KAT6A: variants seen among roughly 807,000 people sequenced by gnomAD.
KAT6A encodes lysine acetyltransferase 6A, also known as histone acetyltransferase KAT6A.
In KAT6A, 9 loss-of-function variants were observed where a neutral mutation model predicts 198.4. The ratio of observed to expected loss-of-function variants is 0.05; its 90% CI spans 0.03 to 0.08. The LOEUF (loss-of-function observed/expected upper bound fraction) is 0.08. KAT6A is among the 10% of genes least tolerant of loss of function. The probability of loss-of-function intolerance (pLI) is 1.00; values close to 1 mark genes in which losing one functional copy is unlikely to be tolerated. For synonymous variants in KAT6A, 890 were observed against 883.0 expected, an observed-to-expected ratio of 1.01 and a Z score of -0.14; for missense variants, 2,077 against 2,509.9, an observed-to-expected ratio of 0.83 and a Z score of 3.69.
At chr8:41,958,898 G>A (rs543089784) in intron 8 of KAT6A, among the ~76,000 whole-genome samples, 9 of 152,266 alleles carry the variant, frequency 5.9e-5, no homozygotes, top group South Asian at 2.1e-4. Context: ...GGTGGCTCAC[G>A]CCTGTAATCC....
chr8:42,031,287 G>T (rs1205178154), intron 2 of KAT6A, among the ~76,000 whole-genome samples: 2 of 152,078 alleles, frequency 1.3e-5, no homozygotes, highest in Non-Finnish European at 2.9e-5. Context: ...TATTATATGG[G>T]TAATACAAAA....
At chr8:41,941,839 T>C (rs1822156004) in intron 14 of KAT6A, among the ~76,000 whole-genome samples, 1 of 152,236 alleles carries the variant, frequency 6.6e-6, no homozygotes, top group African/African-American at 2.4e-5. Context: ...AAGTGAATAC[T>C]ATTGTTCTTT....
chr8:42,008,715 A>T (rs1259079765), intron 2 of KAT6A, among the ~76,000 whole-genome samples: 7 of 151,950 alleles, frequency 4.6e-5, no homozygotes, highest in Non-Finnish European at 8.8e-5. Flanking sequence ...GGGATGATGA[A>T]ATGTTCTATA....
At chr8:41,976,969 A>G in intron 7 of KAT6A, 39 bp downstream of exon 7, 1 of 1,452,954 alleles carries the variant, frequency 6.9e-7, no homozygotes, top group South Asian at 1.3e-5. Flanking sequence ...ATACATGTAC[A>G]GAATACTATT....
At chr8:41,982,905 A>G (rs1824429710) in intron 3 of KAT6A, among the ~76,000 whole-genome samples, 1 of 152,214 alleles carries the variant, frequency 6.6e-6, no homozygotes, top group Non-Finnish European at 1.5e-5. Context: ...CACCATATAC[A>G]GAGTTCGGTT....
rs1284355805 is a variant in KAT6A, at chr8:41,932,341, C to T, written c.5879G>A (p.Ser1960Asn). ...PMQMQMGMMG[S>N]QAYTQQPMQP... ...CATAGGCTGCTGGGTATAGGCCTGG[C>T]TCCCCATCATTCCCATCTGCATCTG... is the stretch of plus-strand genomic sequence containing the variant. The change falls in exon 17 of 17, where the codon AGC becomes AAC. Residue 1960 changes from serine to asparagine, a missense_variant. Physicochemically the swap from Ser to Asn is conservative, Grantham distance 46 (BLOSUM62 1). This residue lies in a region of KAT6A where 500 missense variants were observed against 577.2 expected (regional missense o/e 0.87). Transcript: ENST00000265713. 8 of 1,614,080 alleles carry T rather than the reference C, an allele frequency of 5.0e-6. No homozygotes were observed. The highest frequency in any genetic ancestry group is 5.9e-6 in the Non-Finnish European group (7 of 1,180,048).
chr8:42,026,780 G>A (rs567396079), intron 2 of KAT6A, among the ~76,000 whole-genome samples: 22 of 152,092 alleles, frequency 1.4e-4, no homozygotes, highest in East Asian at 5.8e-4. Context: ...TGAATGCTCC[G>A]GTTGGGATTT....
intron 2 of KAT6A, among the ~76,000 whole-genome samples, chr8:41,990,013 A>C (rs1043420920): frequency 1.3e-5 from 2 of 152,162 alleles, no homozygotes; most frequent in African/African-American, 2.4e-5. Context: ...CTGGGGAAGT[A>C]AGTCAGGAAA....
intron 2 of KAT6A, among the ~76,000 whole-genome samples, chr8:42,045,246 CA>C (rs1252787103): frequency 6.6e-6 from 1 of 152,096 alleles, no homozygotes; most frequent in East Asian, 1.9e-4. Context: ...CTCTATTTTC[CA>C]ACATGTCTAA....
intron 9 of KAT6A, among the ~76,000 whole-genome samples, chr8:41,950,751 T>C (rs1444568456): frequency 6.6e-6 from 1 of 152,198 alleles, no homozygotes; most frequent in Non-Finnish European, 1.5e-5. Flanking sequence ...CCAATCCAAC[T>C]GTTAGGTCTC....
Position 41,934,823 on chromosome 8 carries a change from C to T in KAT6A, c.3397G>A (p.Val1133Met). Residue 1133 changes from valine to methionine, a missense_variant, in exon 17 of 17, where the codon GTG (valine) becomes ATG (methionine). By Grantham distance (21) the Val-to-Met change is conservative. Transcript: ENST00000265713. ...KPVSLLRKRD[V>M]KNSPLEPDTS... ...TCTGGCTCAAGAGGAGAATTCTTCA[C>T]ATCACGTTTTCGCAAAAGAGATACT... The T allele has an allele frequency of 6.2e-7, 1 of 1,612,836 alleles. No individual in the cohort carries two copies. The highest frequency in any genetic ancestry group is 8.5e-7 in the Non-Finnish European group (1 of 1,179,750).
chr8:42,019,754 A>T (rs1322383111), intron 2 of KAT6A, among the ~76,000 whole-genome samples: 1 of 152,174 alleles, frequency 6.6e-6, no homozygotes, highest in Non-Finnish European at 1.5e-5. Flanking sequence ...ATTTACAGAT[A>T]TGCTTCACTG....
chr8:42,009,529 G>A lies in KAT6A; in HGVS notation c.601-21966C>T, dbSNP rs74636139. On this transcript the variant is annotated intron_variant, in intron 2 of 16. Transcript: ENST00000265713. ...TGTGACCCTGAGACGACTAATGGGT[G>A]CATGTGGGTGCATTTTACATTCTTC... Among the ~76,000 whole-genome samples the A allele has an allele frequency of 6.3e-4, 95 of 151,786 alleles. 1 individual carries two copies. In the East Asian group the frequency reaches 0.018, roughly 29 times the overall value.
intron 16 of KAT6A, among the ~76,000 whole-genome samples, chr8:41,935,846 G>A (rs1230049444): frequency 1.3e-5 from 2 of 152,196 alleles, no homozygotes; most frequent in Non-Finnish European, 1.5e-5. Context: ...AGAATATAAA[G>A]TGCTAAATTT....
chr8:42,038,199 G>A (rs1306829718), intron 2 of KAT6A, among the ~76,000 whole-genome samples: 1 of 152,138 alleles, frequency 6.6e-6, no homozygotes, highest in African/African-American at 2.4e-5. Flanking sequence ...CCTTTAAATG[G>A]ACTTTTTTTC....
intron 2 of KAT6A, among the ~76,000 whole-genome samples, chr8:42,006,552 A>G (rs1398145397): frequency 6.6e-6 from 1 of 152,248 alleles, no homozygotes; most frequent in Non-Finnish European, 1.5e-5. Context: ...CCAAAAATTC[A>G]AAATCAAAAA....
chr8:41,987,542 T>C lies in KAT6A; in HGVS notation c.622A>G (p.Ile208Val). Residue 208 changes from isoleucine to valine, a missense_variant, in exon 3 of 17, where the codon ATC (isoleucine) becomes GTC (valine). This residue lies in a region of KAT6A where 185 missense variants were observed against 185.7 expected (regional missense o/e 1.00). Transcript: ENST00000265713. ...KDKPVAEPIP[I>V]CSFCLGTKEQ... ...TTTGTACCAAGACAGAAACTACAGA[T>C]GGGGATTGGTTCAGCAACCGGCTGT... 6.2e-7 allele frequency: 1 copy of C among 1,612,808 alleles called. No homozygotes were observed. The highest frequency in any genetic ancestry group is 2.2e-5 in the East Asian group (1 of 44,860).
intron 8 of KAT6A, among the ~76,000 whole-genome samples, chr8:41,968,203 C>A (rs960531525): frequency 9.9e-5 from 15 of 151,852 alleles, no homozygotes; most frequent in Admixed American, 2.0e-4. Flanking sequence ...CAAAATGGGA[C>A]AAAATTTTTG....
chr8:42,019,656 C>T (rs12546563), intron 2 of KAT6A, among the ~76,000 whole-genome samples: 1 of 151,970 alleles, frequency 6.6e-6, no homozygotes, highest in Non-Finnish European at 1.5e-5. Context: ...TATTCATTAC[C>T]CTAAATGATG....
Sources: allele counts gnomAD v4.1 joint callset (sites outside exome capture counted in the v4.1 genomes callset), GRCh38; gene constraint gnomAD v4.1.1; regional missense constraint gnomAD v4.1.1; transcripts MANE v1.5; gene names NCBI Gene and HGNC (gene_info 2026-07-23, HGNC 2026-07-21).